Variants in TEK observed in about 807,000 individuals in gnomAD.
TEK encodes the protein TEK receptor tyrosine kinase.
A neutral mutation model predicts 131.8 loss-of-function variants in TEK; 43 were observed. That is an observed-to-expected ratio of 0.33 (90% CI 0.26 to 0.42). The LOEUF (loss-of-function observed/expected upper bound fraction) is 0.42, where lower values mean the gene tolerates loss of function less well. Ranked by LOEUF, TEK falls within the 10% of genes least tolerant of loss-of-function variation. The pLI, the probability that TEK is intolerant of heterozygous loss-of-function variation, is 1.00. For missense variants in TEK, 1,162 were observed against 1,384.4 expected (o/e 0.84, Z 2.55); for synonymous variants, 580 against 491.6 (o/e 1.18, Z -2.38).
chr9:27,126,890 A>G (rs1293435289), intron 1 of TEK, among the ~76,000 whole-genome samples: 2 of 152,146 alleles, frequency 1.3e-5, no homozygotes, highest in Non-Finnish European at 2.9e-5. Context: ...CCTCACTCAC[A>G]CCCATTACAA....
intron 11 of TEK, among the ~76,000 whole-genome samples, chr9:27,197,002 A>C: frequency 7.5e-6 from 1 of 134,064 alleles, no homozygotes; most frequent in African/African-American, 2.7e-5. Context: ...TCCTAATGCT[A>C]TCCCTCCCCC....
chr9:27,158,403 G>A (rs984280947), intron 2 of TEK, among the ~76,000 whole-genome samples: 8 of 152,110 alleles, frequency 5.3e-5, no homozygotes, highest in Admixed American at 5.2e-4. Flanking sequence ...GGGCATCATG[G>A]TACTTATGGA....
At chr9:27,206,879 C>A (rs757104263) in intron 15 of TEK, 87 bp downstream of exon 15, 6 of 1,468,700 alleles carry the variant, frequency 4.1e-6, no homozygotes, top group African/African-American at 1.4e-5. Context: ...TATGGTCTTA[C>A]AAAAAATTGG....
intron 18 of TEK, among the ~76,000 whole-genome samples, chr9:27,215,038 T>G (rs1421248031): frequency 6.6e-6 from 1 of 152,152 alleles, no homozygotes; most frequent in Non-Finnish European, 1.5e-5. Context: ...TTTTCCCTGC[T>G]TTACTCCAGC....
intron 1 of TEK, among the ~76,000 whole-genome samples, chr9:27,131,756 A>G (rs1450338675): frequency 1.3e-5 from 2 of 149,256 alleles, no homozygotes; most frequent in African/African-American, 2.5e-5. Context: ...TCAGTGAGCC[A>G]TGATTGCACC....
intron 10 of TEK, among the ~76,000 whole-genome samples, chr9:27,191,729 G>A (rs746936061): frequency 2.0e-5 from 3 of 152,160 alleles, no homozygotes; most frequent in Non-Finnish European, 4.4e-5. Flanking sequence ...TTCCAGGGAT[G>A]TCAGGCTGAT....
intron 2 of TEK, among the ~76,000 whole-genome samples, chr9:27,162,484 C>T (rs902633540): frequency 1.3e-5 from 2 of 152,126 alleles, no homozygotes; most frequent in Non-Finnish European, 2.9e-5. Flanking sequence ...TTTTCAGATC[C>T]AAAGACCTGT....
At chr9:27,139,576 G>A (rs765249154) in intron 1 of TEK, among the ~76,000 whole-genome samples, 5 of 151,698 alleles carry the variant, frequency 3.3e-5, no homozygotes, top group Non-Finnish European at 7.4e-5. Flanking sequence ...CGCCCACCTC[G>A]GCCTCCCAAA....
intron 6 of TEK, among the ~76,000 whole-genome samples, chr9:27,174,590 A>G (rs1162746734): frequency 6.6e-6 from 1 of 152,208 alleles, no homozygotes; most frequent in East Asian, 1.9e-4. Context: ...TTCCATAGCC[A>G]CACGTGGCTA....
chr9:27,226,495 A>C (rs1826332590), intron 21 of TEK, among the ~76,000 whole-genome samples: 2 of 151,990 alleles, frequency 1.3e-5, no homozygotes, highest in South Asian at 2.1e-4. Context: ...AAGACCAAAC[A>C]TTGCATGTTC....
chr9:27,172,495 G>T (rs1587548718), intron 4 of TEK, 121 bp from the exon 5 acceptor site: 6 of 1,372,034 alleles, frequency 4.4e-6, no homozygotes, highest in Admixed American at 2.0e-5. Flanking sequence ...AGAGAGCAGA[G>T]CCTGTATTTT....
chr9:27,187,814 G>T (rs1173921070), intron 9 of TEK, among the ~76,000 whole-genome samples: 1 of 152,008 alleles, frequency 6.6e-6, no homozygotes, highest in Non-Finnish European at 1.5e-5. Context: ...CAGGTACAGG[G>T]TCTTCCCTTT....
chr9:27,193,809 A>G (rs1824913455), intron 11 of TEK, among the ~76,000 whole-genome samples: 1 of 152,082 alleles, frequency 6.6e-6, no homozygotes, highest in South Asian at 2.1e-4. Context: ...CGGGCTTCAT[A>G]TCTTTGTCTT....
At chr9:27,179,885 G>T (rs776620446) in intron 6 of TEK, among the ~76,000 whole-genome samples, 1 of 152,096 alleles carries the variant, frequency 6.6e-6, no homozygotes, top group Non-Finnish European at 1.5e-5. Context: ...TAACAGTTAG[G>T]CTAAAAGCTG....
chr9:27,205,137 T>A, intron 14 of TEK, 72 bp downstream of exon 14: 1 of 1,580,980 alleles, frequency 6.3e-7, no homozygotes, highest in South Asian at 1.1e-5. Flanking sequence ...TTTAAAGATA[T>A]GGACCAGGAA....
intron 8 of TEK, 123 bp from the exon 9 acceptor site, chr9:27,185,362 C>A (rs1047485110): frequency 2.2e-5 from 27 of 1,217,132 alleles, no homozygotes; most frequent in Non-Finnish European, 3.2e-5. Flanking sequence ...ATTAGCATTA[C>A]ATTTAGCTTC....
chr9:27,137,893 T>C (rs1822547086), intron 1 of TEK, among the ~76,000 whole-genome samples: 1 of 152,280 alleles, frequency 6.6e-6, no homozygotes, highest in South Asian at 2.1e-4. Context: ...CTGTGGACCC[T>C]TGCGGTGAGT....
intron 6 of TEK, among the ~76,000 whole-genome samples, chr9:27,176,451 T>G (rs1824176736): frequency 1.3e-5 from 2 of 152,234 alleles, no homozygotes; most frequent in Admixed American, 1.3e-4. Context: ...GAAACTTGAT[T>G]TCAGTAGTCA....
chr9:27,172,862 C>T, intron 5 of TEK, 115 bp downstream of exon 5: 1 of 1,378,454 alleles, frequency 7.3e-7, no homozygotes, highest in Non-Finnish European at 1.0e-6. Context: ...TCTGTTAGGT[C>T]AGATGGTACC....
Sources: gnomAD v4.1 joint callset for allele counts (sites outside exome capture counted in the v4.1 genomes callset) on GRCh38, gnomAD v4.1.1 for gene constraint, MANE v1.5 for transcripts, NCBI Gene and HGNC (gene_info 2026-07-23, HGNC 2026-07-21) for gene names.